Variants in MAN2A1 observed in about 807,000 individuals in gnomAD.
The protein encoded by MAN2A1 is mannosidase alpha class 2A member 1.
Under a neutral mutation model 142.6 loss-of-function variants are expected in MAN2A1, and 76 were observed. The observed-to-expected ratio is 0.53, with a 90% CI of 0.44 to 0.65. The LOEUF is 0.65. Ranked by LOEUF, MAN2A1 falls within the 30% of genes least tolerant of loss-of-function variation. The pLI is 0.00. For missense variants in MAN2A1, 1,311 were observed against 1,365.1 expected (o/e 0.96, Z 0.62); for synonymous variants, 559 against 473.2 (o/e 1.18, Z -2.35).
At chr5:109,808,055 C>G (rs1047851412) in intron 12 of MAN2A1, among the ~76,000 whole-genome samples, 8 of 152,154 alleles carry the variant, frequency 5.3e-5, no homozygotes, top group Admixed American at 1.3e-4. Context: ...AACCCACTCC[C>G]CACTATGACT....
At chr5:109,806,440 C>T (rs979618345) in intron 12 of MAN2A1, among the ~76,000 whole-genome samples, 5 of 152,136 alleles carry the variant, frequency 3.3e-5, no homozygotes, top group Admixed American at 2.6e-4. Flanking sequence ...CTAAGATTAC[C>T]ATAACATCTG....
intron 12 of MAN2A1, among the ~76,000 whole-genome samples, chr5:109,815,505 A>G (rs914493357): frequency 6.6e-6 from 1 of 152,184 alleles, no homozygotes; most frequent in Non-Finnish European, 1.5e-5. Context: ...ATCCTGATGC[A>G]TACTGTAAGC....
At chr5:109,801,481 T>C (rs530343375) in intron 12 of MAN2A1, among the ~76,000 whole-genome samples, 259 of 152,312 alleles carry the variant, frequency 1.7e-3, no homozygotes, top group Non-Finnish European at 3.1e-3. Flanking sequence ...TTTGATTTTG[T>C]TTTTTAAGCT....
intron 4 of MAN2A1, among the ~76,000 whole-genome samples, chr5:109,742,484 C>A (rs1021234926): frequency 2.0e-5 from 3 of 152,112 alleles, no homozygotes; most frequent in Non-Finnish European, 2.9e-5. Flanking sequence ...GTGAACCTTC[C>A]ACTGTCTTCT....
At chr5:109,736,444 G>T (rs1444743890) in intron 4 of MAN2A1, among the ~76,000 whole-genome samples, 2 of 152,124 alleles carry the variant, frequency 1.3e-5, no homozygotes, top group Middle Eastern at 3.2e-3. Flanking sequence ...CTGAACCCAA[G>T]AATTGGAGGC....
At chr5:109,716,377 G>T (rs1582818052) in intron 3 of MAN2A1, 113 bp downstream of exon 3, 3 of 766,824 alleles carry the variant, frequency 3.9e-6, no homozygotes, top group East Asian at 5.1e-5. Context: ...ATTATTCTCT[G>T]ACTTTTAACA....
At chr5:109,805,480 A>G (rs1639409711) in intron 12 of MAN2A1, among the ~76,000 whole-genome samples, 1 of 152,152 alleles carries the variant, frequency 6.6e-6, no homozygotes, top group Non-Finnish European at 1.5e-5. Context: ...TTTAAGTTGC[A>G]TTTGCAACTA....
chr5:109,759,962 T>TATAGATAGATAG (rs1035592534), intron 5 of MAN2A1, among the ~76,000 whole-genome samples: 3 of 49,450 alleles, frequency 6.1e-5, no homozygotes, highest in Non-Finnish European at 1.1e-4. Flanking sequence ...TATATATATA[T>TATAGATAGATAG]ATAGATAGAT....
Position 109,770,561 on chromosome 5 carries a change from A to G in MAN2A1, c.1196+20A>G, listed in dbSNP as rs1753118460. ...AAGCAGGTATGAAAATGCGTATTTC[A>G]TAAGACAACATCTTGAATAAAGTAG... On this transcript the variant is annotated intron_variant, in intron 7 of 21. Transcript: ENST00000261483. 3.1e-6 allele frequency: 5 copies of G among 1,606,604 alleles called. No homozygotes were observed. Among genetic ancestry groups the G allele is most frequent in the Non-Finnish European group, 3.4e-6 (4 of 1,175,142 alleles).
Position 109,869,613 on chromosome 5 carries a change from A to G in MAN2A1, c.*2615A>G, listed in dbSNP as rs1223337222. 6.6e-6 allele frequency: 1 copy of G among 152,178 alleles called. No individual in the cohort carries two copies. The highest frequency in any genetic ancestry group is 2.4e-5 in the African/African-American group (1 of 41,440). 9.4% of individuals were successfully genotyped at this position (152,178 alleles called of 1,614,324 possible). On this transcript the variant is annotated 3_prime_UTR_variant, in exon 22 of 22. Transcript: ENST00000261483. ...AATATAAGATCTCTAATAAAAGATA[A>G]TCTTATCATGTACATGGTCCTCTAG...
At chr5:109,737,459 T>G (rs928669912) in intron 4 of MAN2A1, among the ~76,000 whole-genome samples, 1 of 140,746 alleles carries the variant, frequency 7.1e-6, no homozygotes, top group Admixed American at 7.0e-5. Flanking sequence ...TTTTTTTTTT[T>G]GTTACTTAAT....
chr5:109,754,494 C>G (rs536173706), intron 4 of MAN2A1, among the ~76,000 whole-genome samples: 60 of 152,272 alleles, frequency 3.9e-4, no homozygotes, highest in African/African-American at 1.3e-3. Flanking sequence ...TTCCCAGAGT[C>G]ATGTGGTATT....
chr5:109,690,880 C>T (rs1254397878), intron 1 of MAN2A1, among the ~76,000 whole-genome samples: 1 of 152,042 alleles, frequency 6.6e-6, no homozygotes, highest in Non-Finnish European at 1.5e-5. Flanking sequence ...GCGTGAGGCA[C>T]CCCCCGCCAG....
intron 4 of MAN2A1, among the ~76,000 whole-genome samples, chr5:109,742,210 G>A (rs1453121387): frequency 6.6e-6 from 1 of 152,188 alleles, no homozygotes; most frequent in Admixed American, 6.5e-5. Context: ...ATTGAGACCA[G>A]TGTTGAGTGG....
chr5:109,831,469 A>C (rs879553675), intron 16 of MAN2A1, among the ~76,000 whole-genome samples: 5 of 152,254 alleles, frequency 3.3e-5, no homozygotes, highest in African/African-American at 4.8e-5. Context: ...TTAGAACCCC[A>C]CTATAAGGAT....
intron 10 of MAN2A1, among the ~76,000 whole-genome samples, chr5:109,787,214 C>A (rs1753616832): frequency 6.6e-6 from 1 of 151,882 alleles, no homozygotes. Context: ...GCTAATTATT[C>A]CTAACTTGTA....
At chr5:109,786,627 C>A (rs530329665) in intron 10 of MAN2A1, among the ~76,000 whole-genome samples, 21 of 152,124 alleles carry the variant, frequency 1.4e-4, no homozygotes, top group African/African-American at 5.1e-4. Flanking sequence ...ATTGAAAAGT[C>A]ATAAACAATT....
chr5:109,861,513 C>T (rs1383731006), intron 20 of MAN2A1, among the ~76,000 whole-genome samples: 1 of 152,174 alleles, frequency 6.6e-6, no homozygotes, highest in Non-Finnish European at 1.5e-5. Context: ...TTAAAAATAA[C>T]ATATCTAAAA....
At chr5:109,736,162 T>C (rs1752091982) in intron 4 of MAN2A1, among the ~76,000 whole-genome samples, 1 of 152,128 alleles carries the variant, frequency 6.6e-6, no homozygotes, top group African/African-American at 2.4e-5. Flanking sequence ...TATACCAGGA[T>C]ATGCACACAT....
Sources: allele counts gnomAD v4.1 joint callset (sites outside exome capture counted in the v4.1 genomes callset), GRCh38; gene constraint gnomAD v4.1.1; transcripts MANE v1.5; gene names NCBI Gene and HGNC (gene_info 2026-07-23, HGNC 2026-07-21).